The following WWOX variants were observed in gnomAD, a reference collection of about 807,000 sequenced individuals.
WWOX encodes the protein WW domain-containing oxidoreductase.
WWOX carries 69 observed loss-of-function variants against 46.2 expected under a neutral mutation model. The observed-to-expected ratio is 1.49, with a 90% CI of 1.23 to 1.82. The LOEUF is 1.82. WWOX is among the 40% of genes most tolerant of loss of function. WWOX has a pLI of 0.00. For synonymous variants in WWOX, 359 were observed against 202.6 expected (o/e 1.77, Z -6.56); for missense variants, 919 against 542.6 (o/e 1.69, Z -6.89).
At chr16:78,543,105 G>C (rs113673792) in intron 8 of WWOX, among the ~76,000 whole-genome samples, 1 of 152,240 alleles carries the variant, frequency 6.6e-6, no homozygotes, top group Non-Finnish European at 1.5e-5. Context: ...GACATGTCCA[G>C]TGTGGGCTGG....
chr16:78,297,380 C>G (rs919577252), intron 5 of WWOX, among the ~76,000 whole-genome samples: 1 of 152,068 alleles, frequency 6.6e-6, no homozygotes, highest in African/African-American at 2.4e-5. Context: ...AGGGAGCCTT[C>G]CAACAGCATC....
chr16:78,342,873 G>C (rs1406355418), intron 5 of WWOX, among the ~76,000 whole-genome samples: 1 of 120,752 alleles, frequency 8.3e-6, no homozygotes, highest in East Asian at 1.9e-4. Context: ...GACCCAGAAT[G>C]ATCCCTTTTG....
intron 8 of WWOX, among the ~76,000 whole-genome samples, chr16:79,119,152 T>C (rs1193398028): frequency 1.3e-5 from 2 of 151,850 alleles, no homozygotes; most frequent in East Asian, 3.9e-4. Flanking sequence ...GAAGCAGCAC[T>C]GAAGTCCAGT....
chr16:78,334,890 AAATT>A (rs2080849535), intron 5 of WWOX, among the ~76,000 whole-genome samples: 2 of 150,670 alleles, frequency 1.3e-5, no homozygotes, highest in South Asian at 2.1e-4. Context: ...AAGAGGAAGA[AAATT>A]AAACTCATTG....
chr16:78,789,233 T>G (rs2050532433), intron 8 of WWOX, among the ~76,000 whole-genome samples: 1 of 152,180 alleles, frequency 6.6e-6, no homozygotes, highest in Admixed American at 6.5e-5. Flanking sequence ...AAAGAGTTTT[T>G]CCCTGAAACC....
chr16:78,506,939 C>T (rs62036413), intron 8 of WWOX, among the ~76,000 whole-genome samples: 21,632 of 151,994 alleles, frequency 0.14, 1,660 homozygotes, highest in Non-Finnish European at 0.17. Flanking sequence ...GTCTTGAACT[C>T]CTGACCTCAA....
At chr16:78,129,372 C>T (rs2033497444) in intron 4 of WWOX, among the ~76,000 whole-genome samples, 1 of 152,124 alleles carries the variant, frequency 6.6e-6, no homozygotes, top group South Asian at 2.1e-4. Context: ...AATGGACCAC[C>T]ACAAACTCGG....
intron 8 of WWOX, among the ~76,000 whole-genome samples, chr16:78,719,013 G>C (rs945322575): frequency 3.9e-5 from 6 of 152,116 alleles, no homozygotes; most frequent in African/African-American, 1.4e-4. Flanking sequence ...TTGGTAGCAG[G>C]GGGGTTAGGT....
At chr16:78,492,023 A>T (rs2084795840) in intron 8 of WWOX, among the ~76,000 whole-genome samples, 1 of 64,444 alleles carries the variant, frequency 1.6e-5, no homozygotes, top group Non-Finnish European at 4.2e-5. Flanking sequence ...TTCTCAATGG[A>T]CAAAGGGAGT....
intron 8 of WWOX, among the ~76,000 whole-genome samples, chr16:78,865,586 G>C: frequency 6.6e-6 from 1 of 152,118 alleles, no homozygotes. Flanking sequence ...GCAAGGAATT[G>C]TGTGTGGCCG....
intron 8 of WWOX, among the ~76,000 whole-genome samples, chr16:78,689,181 A>G (rs9925866): frequency 0.36 from 54,735 of 151,974 alleles, 10,566 homozygotes; most frequent in African/African-American, 0.42. Flanking sequence ...CCACCAACAA[A>G]GAATGATTCA....
chr16:78,727,765 T>G (rs1274037302), intron 8 of WWOX, among the ~76,000 whole-genome samples: 1 of 152,096 alleles, frequency 6.6e-6, no homozygotes, highest in Non-Finnish European at 1.5e-5. Context: ...AGAGGTCAGC[T>G]CCTTGTCTCC....
intron 5 of WWOX, among the ~76,000 whole-genome samples, chr16:78,331,263 A>C (rs2080750707): frequency 1.3e-5 from 2 of 152,214 alleles, no homozygotes; most frequent in South Asian, 4.1e-4. Flanking sequence ...TTACTAAATA[A>C]AATATTTAGA....
chr16:78,872,700 A>C (rs1202370168), intron 8 of WWOX: 1 of 146,458 alleles, frequency 6.8e-6, no homozygotes, highest in African/African-American at 2.5e-5. Flanking sequence ...GTCCCCAACC[A>C]CTCCCTGCGT....
At chr16:78,429,948 T>C (rs2083178196) in intron 7 of WWOX, among the ~76,000 whole-genome samples, 1 of 152,104 alleles carries the variant, frequency 6.6e-6, no homozygotes, top group African/African-American at 2.4e-5. Context: ...ACCAGGTGTG[T>C]GGTATTGCAG....
At chr16:78,118,319 T>G (rs761718106) in intron 4 of WWOX, among the ~76,000 whole-genome samples, 5 of 152,078 alleles carry the variant, frequency 3.3e-5, no homozygotes, top group Non-Finnish European at 5.9e-5. Flanking sequence ...AAATCAGGGA[T>G]TCTGACAGAT....
intron 8 of WWOX, among the ~76,000 whole-genome samples, chr16:79,039,015 G>T (rs985259781): frequency 3.3e-5 from 5 of 151,838 alleles, no homozygotes; most frequent in African/African-American, 1.2e-4. Flanking sequence ...GTTTTAATAG[G>T]TTATAATTCA....
intron 8 of WWOX, among the ~76,000 whole-genome samples, chr16:78,810,345 A>G (rs1313687276): frequency 6.6e-6 from 1 of 152,202 alleles, no homozygotes; most frequent in East Asian, 1.9e-4. Context: ...GCCTCATATG[A>G]TCAGCCGGTA....
chr16:78,496,803 C>T (rs2084929058), intron 8 of WWOX, among the ~76,000 whole-genome samples: 1 of 152,088 alleles, frequency 6.6e-6, no homozygotes, highest in Admixed American at 6.5e-5. Context: ...AGGAAGAGGC[C>T]CCAAGACATG....
Sources: gnomAD v4.1 joint callset for allele counts (sites outside exome capture counted in the v4.1 genomes callset) on GRCh38, gnomAD v4.1.1 for gene constraint, MANE v1.5 for transcripts, NCBI Gene and HGNC (gene_info 2026-07-23, HGNC 2026-07-21) for gene names.